The following MACROD2 variants were observed in gnomAD, a reference collection of about 807,000 sequenced individuals.
MACROD2 encodes the protein ADP-ribose glycohydrolase MACROD2.
In MACROD2, 36 loss-of-function variants were observed where a neutral mutation model predicts 70.4. That is an observed-to-expected ratio of 0.51 (90% CI 0.39 to 0.68). The LOEUF (loss-of-function observed/expected upper bound fraction) is 0.68, where lower values mean the gene tolerates loss of function less well. Among genes scored for constraint, MACROD2 ranks in the 30% least tolerant of loss-of-function variants. MACROD2 has a pLI of 0.00. For synonymous variants in MACROD2, 172 were observed against 178.8 expected (o/e 0.96, Z 0.30); for missense variants, 496 against 538.4 (o/e 0.92, Z 0.78).
intron 11 of MACROD2, among the ~76,000 whole-genome samples, chr20:15,934,767 G>A (rs1018857214): frequency 2.0e-5 from 3 of 152,002 alleles, no homozygotes; most frequent in East Asian, 3.9e-4. Flanking sequence ...GTGCAATCTC[G>A]GTTCACTGCA....
chr20:15,644,561 A>G (rs2049511858), intron 8 of MACROD2, among the ~76,000 whole-genome samples: 1 of 152,082 alleles, frequency 6.6e-6, no homozygotes, highest in African/African-American at 2.4e-5. Context: ...ACTTCTATTC[A>G]CTATGCACTC....
intron 7 of MACROD2, among the ~76,000 whole-genome samples, chr20:15,443,090 A>G (rs2046517048): frequency 6.6e-6 from 1 of 152,168 alleles, no homozygotes. Flanking sequence ...TAATTGCATT[A>G]TTTATTACAT....
intron 8 of MACROD2, among the ~76,000 whole-genome samples, chr20:15,817,028 C>T (rs970336954): frequency 2.0e-5 from 3 of 152,084 alleles, no homozygotes; most frequent in African/African-American, 7.2e-5. Context: ...TCAATGAGAG[C>T]GGAGGCTAAG....
chr20:14,796,709 A>C (rs1025302095), intron 5 of MACROD2, among the ~76,000 whole-genome samples: 1 of 152,098 alleles, frequency 6.6e-6, no homozygotes. Context: ...TCTCACATAC[A>C]TAACTTTGCT....
chr20:15,905,226 A>G (rs1162855376), intron 10 of MACROD2, among the ~76,000 whole-genome samples: 1 of 152,058 alleles, frequency 6.6e-6, no homozygotes, highest in Non-Finnish European at 1.5e-5. Context: ...CTAGGGCAAC[A>G]CTCTCGTTTC....
At chr20:15,764,561 C>G (rs1439471195) in intron 8 of MACROD2, among the ~76,000 whole-genome samples, 1 of 152,176 alleles carries the variant, frequency 6.6e-6, no homozygotes, top group East Asian at 1.9e-4. Context: ...CTCTCCTTCC[C>G]TTGCACTCCA....
intron 7 of MACROD2, among the ~76,000 whole-genome samples, chr20:15,460,924 G>A (rs2046799252): frequency 6.8e-6 from 1 of 147,296 alleles, no homozygotes; most frequent in Non-Finnish European, 1.5e-5. Flanking sequence ...GAAGATGAAT[G>A]AGTCCACTTT....
intron 8 of MACROD2, among the ~76,000 whole-genome samples, chr20:15,502,428 C>T (rs1156917773): frequency 6.6e-6 from 1 of 152,110 alleles, no homozygotes; most frequent in South Asian, 2.1e-4. Context: ...TAGACAGAGT[C>T]AGATTATAGG....
chr20:15,274,958 G>T (rs1416875409), intron 6 of MACROD2, among the ~76,000 whole-genome samples: 1 of 152,108 alleles, frequency 6.6e-6, no homozygotes, highest in African/African-American at 2.4e-5. Flanking sequence ...GGGTGGCGAG[G>T]CGTGAGGCAT....
intron 8 of MACROD2, among the ~76,000 whole-genome samples, chr20:15,829,291 CCTT>C (rs1240321336): frequency 6.6e-6 from 1 of 152,158 alleles, no homozygotes; most frequent in African/African-American, 2.4e-5. Flanking sequence ...AAGGTTTTCT[CCTT>C]CTCTCCTATC....
chr20:14,780,939 T>C (rs1411874085), intron 5 of MACROD2, among the ~76,000 whole-genome samples: 1 of 152,122 alleles, frequency 6.6e-6, no homozygotes, highest in African/African-American at 2.4e-5. Context: ...AATAGTAATT[T>C]TATTTAAGGG....
At chr20:15,113,316 T>C (rs2075969296) in intron 5 of MACROD2, among the ~76,000 whole-genome samples, 1 of 152,150 alleles carries the variant, frequency 6.6e-6, no homozygotes, top group Non-Finnish European at 1.5e-5. Context: ...CAATGCCATA[T>C]GTAGCTGATC....
At chr20:14,300,104 GT>G (rs2082462050) in intron 3 of MACROD2, among the ~76,000 whole-genome samples, 1 of 152,156 alleles carries the variant, frequency 6.6e-6, no homozygotes, top group East Asian at 1.9e-4. Context: ...GCTACTGATA[GT>G]TTGAGTGAGG....
At chr20:15,791,784 A>G (rs2063626972) in intron 8 of MACROD2, among the ~76,000 whole-genome samples, 1 of 152,016 alleles carries the variant, frequency 6.6e-6, no homozygotes, top group Non-Finnish European at 1.5e-5. Context: ...AAGAATTCTT[A>G]GTAAAATTAG....
chr20:15,340,796 G>C (rs910538224), intron 6 of MACROD2, among the ~76,000 whole-genome samples: 1 of 150,512 alleles, frequency 6.6e-6, no homozygotes, highest in Non-Finnish European at 1.5e-5. Context: ...TGCCCTCCAT[G>C]CTTACTATTC....
intron 4 of MACROD2, among the ~76,000 whole-genome samples, chr20:14,624,863 T>C (rs1267622668): frequency 6.6e-6 from 1 of 152,232 alleles, no homozygotes; most frequent in Non-Finnish European, 1.5e-5. Flanking sequence ...AATGTACTGC[T>C]GCAGCACTAC....
At chr20:15,182,791 G>A (rs975257644) in intron 5 of MACROD2, among the ~76,000 whole-genome samples, 7 of 152,196 alleles carry the variant, frequency 4.6e-5, no homozygotes, top group Admixed American at 2.6e-4. Flanking sequence ...ATCTTCTGGC[G>A]CTGACATGGA....
intron 8 of MACROD2, among the ~76,000 whole-genome samples, chr20:15,662,715 G>GTT (rs11478090): frequency 5.4e-5 from 8 of 146,846 alleles, no homozygotes; most frequent in African/African-American, 1.5e-4. Context: ...CTCAGAGAGG[G>GTT]TTTTTTTTTT....
intron 8 of MACROD2, among the ~76,000 whole-genome samples, chr20:15,707,893 G>A (rs2050560275): frequency 1.3e-5 from 2 of 151,960 alleles, no homozygotes; most frequent in African/African-American, 4.8e-5. Context: ...AGAGAATAGA[G>A]GGTGAAGAGC....
Sources: allele counts gnomAD v4.1 joint callset (sites outside exome capture counted in the v4.1 genomes callset), GRCh38; gene constraint gnomAD v4.1.1; transcripts MANE v1.5; gene names NCBI Gene and HGNC (gene_info 2026-07-23, HGNC 2026-07-21).